The following WDR17 variants were observed in gnomAD, a reference collection of about 807,000 sequenced individuals.
The protein encoded by WDR17 is WD repeat-containing protein 17.
A neutral mutation model predicts 161.7 loss-of-function variants in WDR17; 143 were observed. The ratio of observed to expected loss-of-function variants is 0.88; its 90% CI spans 0.77 to 1.02. The LOEUF is 1.02. Ranked by LOEUF, WDR17 falls within the 50% of genes least tolerant of loss-of-function variation. WDR17 has a pLI of 0.00. For missense variants in WDR17, 1,469 were observed against 1,520.9 expected (o/e 0.97, Z 0.57); for synonymous variants, 517 against 515.6 (o/e 1.00, Z -0.04).
At chr4:176,106,179 C>T (rs1738685423) in intron 1 of WDR17, among the ~76,000 whole-genome samples, 1 of 151,882 alleles carries the variant, frequency 6.6e-6, no homozygotes, top group African/African-American at 2.4e-5. Flanking sequence ...TTTCTGATTT[C>T]AAAACTTGTT....
intron 5 of WDR17, among the ~76,000 whole-genome samples, chr4:176,127,101 A>C (rs908861705): frequency 2.0e-5 from 3 of 152,220 alleles, no homozygotes; most frequent in Non-Finnish European, 4.4e-5. Flanking sequence ...AAATATGCAT[A>C]GGTTATATGC....
chr4:176,156,918 T>C (rs183593797), intron 18 of WDR17, among the ~76,000 whole-genome samples: 4 of 152,244 alleles, frequency 2.6e-5, no homozygotes. Context: ...CATGGCATTA[T>C]TCCCTGTGTG....
intron 3 of WDR17, 47 bp from the exon 4 acceptor site, chr4:176,119,820 A>C: frequency 6.6e-7 from 1 of 1,517,902 alleles, no homozygotes; most frequent in Non-Finnish European, 9.1e-7. Flanking sequence ...TAATGGTGTA[A>C]TCTTATGCTG....
Position 176,146,027 on chromosome 4 carries a change from A to G in WDR17, c.1562A>G (p.Asn521Ser). 1 of 1,613,892 alleles carries G rather than the reference A, an allele frequency of 6.2e-7. No homozygotes were observed. Among genetic ancestry groups the G allele is most frequent in the Non-Finnish European group, 8.5e-7 (1 of 1,179,882 alleles). The change falls in exon 12 of 29, where the codon AAT (asparagine) becomes AGT (serine). Residue 521 changes from asparagine to serine, a missense_variant. Physicochemically the swap from Asn to Ser is conservative, Grantham distance 46. Transcript: ENST00000508596. Reference sequence around the variant, plus strand: ...ATAGCCACTGGCTGTGAAGACACAAATGTTCGTGTTTATTATGTAGCCACC... The same window carrying G: ...ATAGCCACTGGCTGTGAAGACACAAGTGTTCGTGTTTATTATGTAGCCACC... Reference protein sequence around the residue: ...DMIATGCEDTNVRVYYVATSS... With the variant: ...DMIATGCEDTSVRVYYVATSS...
At chr4:176,137,191 T>C (rs969541016) in intron 8 of WDR17, among the ~76,000 whole-genome samples, 6 of 151,482 alleles carry the variant, frequency 4.0e-5, no homozygotes, top group Non-Finnish European at 7.4e-5. Flanking sequence ...TTGGCCTTGA[T>C]CAATAAAGAA....
intron 6 of WDR17, among the ~76,000 whole-genome samples, chr4:176,130,610 T>C (rs1472703210): frequency 2.0e-5 from 3 of 151,858 alleles, no homozygotes; most frequent in Non-Finnish European, 4.4e-5. Flanking sequence ...CCGGGCGTGG[T>C]GGCAGGAGCC....
intron 28 of WDR17, among the ~76,000 whole-genome samples, chr4:176,178,807 C>T (rs189518811): frequency 6.8e-4 from 103 of 152,268 alleles, no homozygotes; most frequent in African/African-American, 2.5e-3. Context: ...ATTAAGAAAA[C>T]ATAATTTGTA....
chr4:176,123,260 T>C (rs570407141), intron 4 of WDR17, among the ~76,000 whole-genome samples: 1 of 152,310 alleles, frequency 6.6e-6, no homozygotes, highest in Admixed American at 6.5e-5. Context: ...CAGTTTCTCC[T>C]ACTGTACTCT....
At chr4:176,111,914 A>G (rs1739824018) in intron 2 of WDR17, among the ~76,000 whole-genome samples, 1 of 152,206 alleles carries the variant, frequency 6.6e-6, no homozygotes, top group African/African-American at 2.4e-5. Flanking sequence ...TAAATTTGAT[A>G]TAAGAAAATT....
At chr4:176,068,869 T>C (rs897757074) in intron 1 of WDR17, among the ~76,000 whole-genome samples, 3 of 152,186 alleles carry the variant, frequency 2.0e-5, no homozygotes, top group Non-Finnish European at 4.4e-5. Context: ...GAATCTACTC[T>C]ATAAGGAAAC....
intron 7 of WDR17, among the ~76,000 whole-genome samples, chr4:176,133,448 A>C (rs1183314493): frequency 6.7e-6 from 1 of 149,928 alleles, no homozygotes; most frequent in Non-Finnish European, 1.5e-5. Context: ...AATTCAATAA[A>C]TTTTCTATGA....
intron 1 of WDR17, among the ~76,000 whole-genome samples, chr4:176,092,110 A>G (rs936913703): frequency 5.3e-5 from 8 of 152,166 alleles, no homozygotes; most frequent in Admixed American, 4.6e-4. Context: ...GGCCAGTATT[A>G]CCCTAATACC....
At chr4:176,123,431 C>T (rs535448669) in intron 4 of WDR17, among the ~76,000 whole-genome samples, 1 of 152,298 alleles carries the variant, frequency 6.6e-6, no homozygotes, top group African/African-American at 2.4e-5. Context: ...GGCCCCATTA[C>T]TGTCCTCTCT....
intron 1 of WDR17, among the ~76,000 whole-genome samples, chr4:176,078,551 T>C (rs948087398): frequency 1.3e-5 from 2 of 152,102 alleles, no homozygotes; most frequent in South Asian, 2.1e-4. Flanking sequence ...TGTATGCCTC[T>C]ATAGCACAGA....
intron 1 of WDR17, among the ~76,000 whole-genome samples, chr4:176,103,061 T>TC (rs1738077813): frequency 6.6e-6 from 1 of 152,066 alleles, no homozygotes; most frequent in Non-Finnish European, 1.5e-5. Context: ...TACAAGCTCC[T>TC]CCCCCTCCAG....
intron 1 of WDR17, among the ~76,000 whole-genome samples, chr4:176,082,638 G>C (rs969848299): frequency 6.6e-6 from 1 of 152,086 alleles, no homozygotes; most frequent in African/African-American, 2.4e-5. Context: ...GGAAGAAAAA[G>C]GGTGAGCTGA....
chr4:176,146,164 G>A lies in WDR17; in HGVS notation c.1694+5G>A. On this transcript the variant is annotated splice_donor_5th_base_variant and intron_variant, in intron 12 of 28. Transcript: ENST00000508596. ...TTGCAGTGGTTCTGATGATGGGTAT[G>A]TATTTTTGGATTCTAATTTTCTAGT... The A allele has an allele frequency of 6.2e-7, 1 of 1,608,360 alleles. No homozygotes were observed. The highest frequency in any genetic ancestry group is 2.2e-5 in the East Asian group (1 of 44,730).
intron 1 of WDR17, among the ~76,000 whole-genome samples, chr4:176,078,807 A>G (rs2126582951): frequency 6.6e-6 from 1 of 152,196 alleles, no homozygotes; most frequent in Admixed American, 6.6e-5. Context: ...TTTATGATAC[A>G]TGCAATATAG....
At chr4:176,095,638 A>T (rs1388071332) in intron 1 of WDR17, among the ~76,000 whole-genome samples, 1 of 151,842 alleles carries the variant, frequency 6.6e-6, no homozygotes, top group Non-Finnish European at 1.5e-5. Context: ...TTGTTGCTTA[A>T]TACCCTTTTC....
Sources: allele counts gnomAD v4.1 joint callset (sites outside exome capture counted in the v4.1 genomes callset), GRCh38; gene constraint gnomAD v4.1.1; transcripts MANE v1.5; gene names NCBI Gene and HGNC (gene_info 2026-07-23, HGNC 2026-07-21).